The following CUX1 variants were observed in gnomAD, a reference collection of about 807,000 sequenced individuals.
CUX1 encodes cut like homeobox 1, also known as protein CASP.
CUX1 carries 31 observed loss-of-function variants against 158.8 expected under a neutral mutation model. That is an observed-to-expected ratio of 0.20 (90% CI 0.15 to 0.26). The LOEUF (loss-of-function observed/expected upper bound fraction) is 0.26. CUX1 is among the 10% of genes least tolerant of loss of function. The pLI, the probability that CUX1 is intolerant of heterozygous loss-of-function variation, is 1.00. For synonymous variants in CUX1, 879 were observed against 862.1 expected, an observed-to-expected ratio of 1.02 and a Z score of -0.34; for missense variants, 1,589 against 2,014.6, an observed-to-expected ratio of 0.79 and a Z score of 4.04.
chr7:101,854,165 T>A (rs964870563), intron 1 of CUX1, among the ~76,000 whole-genome samples: 1 of 152,216 alleles, frequency 6.6e-6, no homozygotes, highest in Non-Finnish European at 1.5e-5. Context: ...TTGAACTGGA[T>A]GTCGGACAAT....
chr7:102,225,920 G>A (rs564036550), intron 20 of CUX1, among the ~76,000 whole-genome samples: 2 of 152,396 alleles, frequency 1.3e-5, no homozygotes, highest in South Asian at 4.1e-4. Context: ...CCCTCAGTGG[G>A]CATCAGGGGA....
chr7:101,845,411 C>T (rs1365201568), intron 1 of CUX1, among the ~76,000 whole-genome samples: 4 of 152,050 alleles, frequency 2.6e-5, no homozygotes, highest in African/African-American at 4.8e-5. Context: ...CATGAATTGG[C>T]GATTGTTGAG....
intron 6 of CUX1, among the ~76,000 whole-genome samples, chr7:102,110,720 CAT>C (rs782808643): frequency 6.6e-6 from 1 of 152,100 alleles, no homozygotes; most frequent in Non-Finnish European, 1.5e-5. Flanking sequence ...TGTTACATAT[CAT>C]ATGTTACATA....
In CUX1 at chr7:102,251,915, A is replaced by T; in HGVS notation, c.*2873A>T. 1.0e-6 allele frequency: 1 copy of T among 985,440 alleles called. No individual in the cohort carries two copies. The allele number at this position is 985,440 out of a possible 1,614,324, so 61.0% of individuals were successfully genotyped here. Reference sequence around the variant, plus strand: ...TCCATTCTAGTGGCCAAACAGTAACAGTCTAAAATGCAGTCATTTTGACCC... The same window carrying T: ...TCCATTCTAGTGGCCAAACAGTAACTGTCTAAAATGCAGTCATTTTGACCC... On this transcript the variant is annotated 3_prime_UTR_variant, in exon 24 of 24. Transcript: ENST00000292535.
chr7:101,952,025 C>T (rs1187034798), intron 2 of CUX1, among the ~76,000 whole-genome samples: 1 of 152,202 alleles, frequency 6.6e-6, no homozygotes, highest in Non-Finnish European at 1.5e-5. Context: ...GAACTCCTGT[C>T]CTGTAGAGCA....
At chr7:101,929,763 T>C (rs1806084553) in intron 2 of CUX1, among the ~76,000 whole-genome samples, 1 of 152,134 alleles carries the variant, frequency 6.6e-6, no homozygotes, top group Non-Finnish European at 1.5e-5. Context: ...CTACCAGGAT[T>C]TTCCCGGGCA....
intron 16 of CUX1, among the ~76,000 whole-genome samples, chr7:102,199,119 C>T (rs994167468): frequency 2.0e-5 from 3 of 152,164 alleles, no homozygotes; most frequent in Non-Finnish European, 2.9e-5. Context: ...AGTCTGAATC[C>T]CAGCCCACTT....
At chr7:102,096,140 AGC>A (rs1198680450) in intron 4 of CUX1, among the ~76,000 whole-genome samples, 6 of 151,978 alleles carry the variant, frequency 3.9e-5, no homozygotes, top group Non-Finnish European at 7.4e-5. Flanking sequence ...GCTGCCGTGC[AGC>A]GCGCGCTGCT....
intron 8 of CUX1, among the ~76,000 whole-genome samples, chr7:102,128,299 A>G (rs536422895): frequency 6.6e-6 from 1 of 152,292 alleles, no homozygotes; most frequent in South Asian, 2.1e-4. Flanking sequence ...AGTCAGGGAC[A>G]GTGGATGATA....
chr7:102,214,128 A>G (rs1354429834), intron 20 of CUX1, among the ~76,000 whole-genome samples: 1 of 151,464 alleles, frequency 6.6e-6, no homozygotes, highest in East Asian at 1.9e-4. Flanking sequence ...GCAAAACTTC[A>G]TCTCAAAAAT....
At position 102,248,529 on chromosome 7, in the gene CUX1, C is replaced by T. The variant is rs782306714; in HGVS notation, c.4005C>T (p.Gly1335=). 3 of 1,519,396 alleles carry T rather than the reference C, an allele frequency of 2.0e-6. No homozygotes were observed. Among genetic ancestry groups the T allele is most frequent in the East Asian group, 5.1e-5 (2 of 39,334 alleles). 94.1% of individuals were successfully genotyped at this position (1,519,396 alleles called of 1,614,324 possible). A position where few individuals can be genotyped will look rare whatever the true frequency, so the allele number is the denominator to read the frequency against. ...RSGRAAPSSE[G]DSCDGVEATE... The stretch of plus-strand genomic sequence containing the variant: ...GCCGGGCGGCGCCCAGCTCGGAGGG[C>T]GACAGCTGCGACGGCGTGGAGGCCA... Residue 1335 remains glycine (G), a synonymous_variant, in exon 24 of 24, where the codon GGC becomes GGT. Transcript: ENST00000292535. The surrounding 1 kb of genome is among the most constrained non-coding windows in gnomAD (Gnocchi z 5.8).
At chr7:101,835,578 T>A (rs557939483) in intron 1 of CUX1, among the ~76,000 whole-genome samples, 8 of 152,300 alleles carry the variant, frequency 5.3e-5, no homozygotes, top group South Asian at 2.1e-4. Context: ...TTATTTATTT[T>A]TTTATTTTTG....
intron 14 of CUX1, among the ~76,000 whole-genome samples, chr7:102,272,852 C>A (rs1791318719): frequency 6.6e-6 from 1 of 152,216 alleles, no homozygotes; most frequent in Admixed American, 6.5e-5. Context: ...CCAAGCACCT[C>A]TGTTGTCAGC....
chr7:101,921,369 G>A lies in CUX1; in HGVS notation c.141+5144G>A, dbSNP rs144902142. Among the ~76,000 whole-genome samples the A allele has an allele frequency of 2.7e-4, 41 of 152,264 alleles. No individual in the cohort carries two copies. The East Asian group carries it at 5.0e-3, about 19-fold the overall frequency. On this transcript the variant is annotated intron_variant, in intron 2 of 23. Transcript: ENST00000292535. ...TAGCATTAACCTGGGAATACTCACCGTGTAACTCATGAGATACAGTGGATT... is the reference window on the plus strand; with the variant it reads ...TAGCATTAACCTGGGAATACTCACCATGTAACTCATGAGATACAGTGGATT...
At chr7:101,820,089 T>C (rs189477782) in intron 1 of CUX1, among the ~76,000 whole-genome samples, 107 of 152,348 alleles carry the variant, frequency 7.0e-4, no homozygotes, top group African/African-American at 2.5e-3. Flanking sequence ...AACAGTAGTT[T>C]GTGCTCTCTG....
At chr7:102,041,230 A>G (rs1206555700) in intron 3 of CUX1, among the ~76,000 whole-genome samples, 3 of 140,264 alleles carry the variant, frequency 2.1e-5, no homozygotes, top group Admixed American at 7.4e-5. Flanking sequence ...ACCACCTGCC[A>G]GGGAGATTGT....
chr7:102,279,892 C>T (rs1428550117), intron 18 of CUX1: 5 of 630,326 alleles, frequency 7.9e-6, no homozygotes, highest in Non-Finnish European at 1.4e-5. Context: ...ACCCCAGCAC[C>T]CTCTCCTCCC....
rs1801116143 is a variant in CUX1 at position 102,248,776 on chromosome 7, G to A, written c.4252G>A (p.Glu1418Lys). The change falls in exon 24 of 24, where the codon GAG becomes AAG. Residue 1418 changes from glutamate to lysine, a missense_variant. Around this residue, in one of 8 missense-constraint regions of CUX1, gnomAD observed 344 missense variants for 323.7 expected, o/e 1.06. Transcript: ENST00000292535. The surrounding 1 kb of genome is among the most constrained non-coding windows in gnomAD (Gnocchi z 5.8). ...ATATAAPAAP[E>K]DAATSAAAAP... ...CGCCACCGCCGCGCCCGCGGCCCCCGAGGACGCCGCTACCTCAGCCGCCGC... is the reference window on the plus strand; with the variant it reads ...CGCCACCGCCGCGCCCGCGGCCCCCAAGGACGCCGCTACCTCAGCCGCCGC... 6 of 1,046,916 alleles carry A rather than the reference G, an allele frequency of 5.7e-6. No homozygotes were observed. Among genetic ancestry groups the A allele is most frequent in the East Asian group, 6.9e-5 (1 of 14,406 alleles). 64.9% of individuals were successfully genotyped at this position (1,046,916 alleles called of 1,614,324 possible).
intron 8 of CUX1, chr7:102,153,893 CAG>C (rs1433905181): frequency 6.6e-6 from 1 of 152,376 alleles, no homozygotes; most frequent in Admixed American, 6.5e-5. Flanking sequence ...CAAAGGCACT[CAG>C]GGAAACAGAG....
Sources: allele counts gnomAD v4.1 joint callset (sites outside exome capture counted in the v4.1 genomes callset), GRCh38; gene constraint gnomAD v4.1.1; regional missense constraint gnomAD v4.1.1; non-coding constraint Gnocchi (gnomAD v3.1); transcripts MANE v1.5; gene names NCBI Gene and HGNC (gene_info 2026-07-23, HGNC 2026-07-21).